Variants in CTNNBL1 observed in about 807,000 individuals in gnomAD.
The protein encoded by CTNNBL1 is catenin beta like 1, also known as beta-catenin-like protein 1.
A neutral mutation model predicts 72.7 loss-of-function variants in CTNNBL1; 31 were observed. That is an observed-to-expected ratio of 0.43 (90% CI 0.32 to 0.58). The LOEUF (loss-of-function observed/expected upper bound fraction) is 0.58, where lower values mean the gene tolerates loss of function less well. CTNNBL1 is among the 20% of genes least tolerant of loss of function. The probability of loss-of-function intolerance (pLI) is 0.08; values close to 1 mark genes in which losing one functional copy is unlikely to be tolerated. For missense variants in CTNNBL1, 534 were observed against 725.1 expected (o/e 0.74, Z 3.03); for synonymous variants, 240 against 267.3 (o/e 0.90, Z 1.00).
intron 11 of CTNNBL1, among the ~76,000 whole-genome samples, chr20:37,833,691 A>C (rs1480967539): frequency 1.3e-5 from 2 of 152,078 alleles, no homozygotes; most frequent in Non-Finnish European, 2.9e-5. Flanking sequence ...CAGCTCCATA[A>C]CCATCCTTCA....
intron 13 of CTNNBL1, among the ~76,000 whole-genome samples, chr20:37,854,927 T>C (rs2072426303): frequency 6.6e-6 from 1 of 152,030 alleles, no homozygotes. Flanking sequence ...GGAGTTAATA[T>C]ACAGAAGGCC....
rs537984236 is a variant in CTNNBL1, at chr20:37,871,687, T to C, written c.1604-238T>C. ...ACGCCATGTGTGTTGAGTGAATAAA[T>C]ACATGAGGGCGGAAGTGAAGGGTGT... On this transcript the variant is annotated intron_variant, in intron 15 of 15. Coordinates refer to ENST00000361383, the MANE Select transcript of CTNNBL1 (RefSeq NM_030877.5). 2.2e-4 allele frequency among the ~76,000 whole-genome samples: 34 copies of C among 152,134 alleles called. No homozygotes were observed. The South Asian group carries it at 7.1e-3, about 32-fold the overall frequency.
Position 37,843,877 on chromosome 20 carries a change from T to G in CTNNBL1, c.1392+1458T>G, listed in dbSNP as rs373992979. Reference sequence around the variant, plus strand: ...GAATTGATTAACTGGGGCTTTCTTCTTTTATACAGTGATACTACTGCAAGA... The same window carrying G: ...GAATTGATTAACTGGGGCTTTCTTCGTTTATACAGTGATACTACTGCAAGA... On this transcript the variant is annotated intron_variant, in intron 13 of 15. Transcript: ENST00000361383. Among the ~76,000 whole-genome samples the G allele has an allele frequency of 7.9e-5, 12 of 152,222 alleles. No homozygotes were observed. In the East Asian group the frequency reaches 1.5e-3, roughly 20 times the overall value.
chr20:37,870,266 C>G (rs1258034093), intron 15 of CTNNBL1, among the ~76,000 whole-genome samples: 1 of 152,050 alleles, frequency 6.6e-6, no homozygotes, highest in Non-Finnish European at 1.5e-5. Context: ...ACCCCTCCTG[C>G]CACTGGAGAC....
chr20:37,829,222 A>T (rs1568799971), intron 11 of CTNNBL1, among the ~76,000 whole-genome samples: 1 of 152,220 alleles, frequency 6.6e-6, no homozygotes, highest in Admixed American at 6.5e-5. Context: ...AAAAGAGCTA[A>T]TGGCCTTAGA....
chr20:37,772,562 A>C (rs867419316), intron 7 of CTNNBL1, among the ~76,000 whole-genome samples: 5 of 152,062 alleles, frequency 3.3e-5, no homozygotes, highest in African/African-American at 1.2e-4. Flanking sequence ...ATTAGCCAGG[A>C]TGGTATCGAT....
rs6067605 is a variant in CTNNBL1 at position 37,784,686 on chromosome 20, T to C, written c.1031+5351T>C. On this transcript the variant is annotated intron_variant, in intron 10 of 15. Transcript: ENST00000361383. ...TGTTGTTTCTGTTTATATCTTATTA[T>C]ACGGTCTATGTCTTGAAAAGTTGTT... Among the ~76,000 whole-genome samples the C allele has an allele frequency of 1.0e-3, 154 of 152,366 alleles. 2 individuals carry two copies. Among genetic ancestry groups the C allele is most frequent in the African/African-American group, 2.5e-3 (103 of 41,586 alleles).
At chr20:37,822,887 C>G (rs1393984902) in intron 11 of CTNNBL1, among the ~76,000 whole-genome samples, 1 of 152,188 alleles carries the variant, frequency 6.6e-6, no homozygotes, top group Non-Finnish European at 1.5e-5. Context: ...TTTTTCGCTC[C>G]TCAGAAAGAC....
intron 7 of CTNNBL1, 199 bp from the exon 8 acceptor site, chr20:37,777,146 A>C (rs2073581128): frequency 3.8e-6 from 2 of 530,792 alleles, no homozygotes; most frequent in South Asian, 2.3e-5. Flanking sequence ...TAAGAGTGTG[A>C]GAGCCATTGT....
At chr20:37,758,225 C>G (rs2073382103) in intron 5 of CTNNBL1, among the ~76,000 whole-genome samples, 1 of 152,196 alleles carries the variant, frequency 6.6e-6, no homozygotes, top group Non-Finnish European at 1.5e-5. Context: ...TAAGAACAAA[C>G]TTTATAGCTC....
intron 1 of CTNNBL1, among the ~76,000 whole-genome samples, chr20:37,730,052 T>C (rs935909947): frequency 6.6e-6 from 1 of 152,168 alleles, no homozygotes; most frequent in Non-Finnish European, 1.5e-5. Flanking sequence ...CTAAACAATG[T>C]CATATGCTCA....
chr20:37,800,211 C>G (rs2073812359), intron 10 of CTNNBL1, among the ~76,000 whole-genome samples: 1 of 152,322 alleles, frequency 6.6e-6, no homozygotes, highest in Non-Finnish European at 1.5e-5. Flanking sequence ...CCTTCTCTTG[C>G]AAGACCAGTC....
intron 6 of CTNNBL1, among the ~76,000 whole-genome samples, chr20:37,765,992 A>G (rs2073464209): frequency 6.6e-6 from 1 of 152,210 alleles, no homozygotes; most frequent in African/African-American, 2.4e-5. Context: ...CATATCTGTA[A>G]ACAGAGCTTG....
At chr20:37,858,490 T>C (rs1166578913) in intron 13 of CTNNBL1, among the ~76,000 whole-genome samples, 2 of 152,270 alleles carry the variant, frequency 1.3e-5, no homozygotes, top group East Asian at 3.9e-4. Context: ...TGAAAAATGA[T>C]GTGAACTTGA....
At chr20:37,788,125 G>A (rs143772184) in intron 10 of CTNNBL1, among the ~76,000 whole-genome samples, 3 of 152,120 alleles carry the variant, frequency 2.0e-5, no homozygotes, top group Admixed American at 1.3e-4. Context: ...CTTCCCCCAC[G>A]TCTGTCCTCA....
rs1413420026 is a variant in CTNNBL1, at chr20:37,802,987, C to G, written c.1152C>G (p.Pro384=). Residue 384 remains proline, a synonymous_variant, in exon 11 of 16, where the codon CCC becomes CCG. Transcript: ENST00000361383. ...TTCTTGGCTTACGAACCATCTTTCC[C>G]CTCTTTATGAAATCTCCCAGGAAGA... The part of the protein sequence containing the change: ...VDILGLRTIF[P]LFMKSPRKIK... 6.2e-7 allele frequency: 1 copy of G among 1,614,022 alleles called. No individual in the cohort carries two copies. Among genetic ancestry groups the G allele is most frequent in the Non-Finnish European group, 8.5e-7 (1 of 1,179,990 alleles).
intron 4 of CTNNBL1, chr20:37,750,001 A>G (rs1255360280): frequency 2.0e-5 from 3 of 152,152 alleles, no homozygotes; most frequent in Non-Finnish European, 4.4e-5. Flanking sequence ...AAGACCATAT[A>G]TGGCTGGTTA....
intron 13 of CTNNBL1, among the ~76,000 whole-genome samples, chr20:37,851,118 C>G (rs558052192): frequency 6.6e-6 from 1 of 152,156 alleles, no homozygotes; most frequent in African/African-American, 2.4e-5. Context: ...GGAAATGGCA[C>G]CTTGGCGCTA....
chr20:37,694,115 C>G lies in CTNNBL1; in HGVS notation c.-8C>G. On this transcript the variant is annotated 5_prime_UTR_variant, in exon 1 of 16. Transcript: ENST00000361383. ...CAGGGAAGTGGAGTATTTGCTGGGCCGGGTACCATGGACGTGGGCGAACTT... is the reference window on the plus strand; with the variant it reads ...CAGGGAAGTGGAGTATTTGCTGGGCGGGGTACCATGGACGTGGGCGAACTT... The G allele has an allele frequency of 6.2e-7, 1 of 1,603,816 alleles. No individual in the cohort carries two copies. Among genetic ancestry groups the G allele is most frequent in the Non-Finnish European group, 8.5e-7 (1 of 1,175,802 alleles).
Sources: allele counts gnomAD v4.1 joint callset (sites outside exome capture counted in the v4.1 genomes callset), GRCh38; gene constraint gnomAD v4.1.1; transcripts MANE v1.5; gene names NCBI Gene and HGNC (gene_info 2026-07-23, HGNC 2026-07-21).